Variants in DISP1 observed in about 807,000 individuals in gnomAD.
The protein encoded by DISP1 is protein dispatched homolog 1.
A neutral mutation model predicts 37.3 loss-of-function variants in DISP1; 30 were observed. That is an observed-to-expected ratio of 0.80 (90% CI 0.60 to 1.09). The LOEUF is 1.09. DISP1 is among the 50% of genes least tolerant of loss of function. The pLI, the probability that DISP1 is intolerant of heterozygous loss-of-function variation, is 0.00. For synonymous variants in DISP1, 634 were observed against 690.2 expected (o/e 0.92, Z 1.28); for missense variants, 1,598 against 1,879.5 (o/e 0.85, Z 2.77).
intron 1 of DISP1, among the ~76,000 whole-genome samples, chr1:222,819,570 C>T (rs947051228): frequency 1.3e-4 from 18 of 139,722 alleles, no homozygotes; most frequent in South Asian, 2.2e-4. Context: ...CACAGTGTCT[C>T]GCTGTGTTGC....
intron 2 of DISP1, among the ~76,000 whole-genome samples, chr1:222,935,370 A>T (rs1306135875): frequency 1.3e-5 from 2 of 152,200 alleles, no homozygotes; most frequent in Admixed American, 6.5e-5. Flanking sequence ...ATTCTAAAAT[A>T]CATCATCTGA....
intron 1 of DISP1, among the ~76,000 whole-genome samples, chr1:222,889,608 T>A: frequency 6.6e-6 from 1 of 152,062 alleles, no homozygotes; most frequent in Middle Eastern, 3.4e-3. Context: ...CTACATGAAC[T>A]ATATATGCCT....
rs1215790656 is a variant in DISP1, at chr1:222,961,316, T to C, written c.509+17984T>C. Among the ~76,000 whole-genome samples, 4 of 152,162 alleles carry C rather than the reference T, an allele frequency of 2.6e-5. No homozygotes were observed. In the East Asian group the frequency reaches 7.7e-4, roughly 29 times the overall value. On this transcript the variant is annotated intron_variant, in intron 3 of 8. Transcript: ENST00000675850. The stretch of plus-strand genomic sequence containing the variant: ...CCCAGGATGCAAGGCTGGTTCAACA[T>C]TCACAAATCAATAAACGTAATCCAT...
At chr1:222,875,654 TAAAAAAAA>T (rs1161033639) in intron 1 of DISP1, among the ~76,000 whole-genome samples, 4 of 93,680 alleles carry the variant, frequency 4.3e-5, no homozygotes, top group South Asian at 3.9e-4. Context: ...CTGTCTCTAC[TAAAAAAAA>T]AAAAAAAAAA....
rs770641865 is a variant in DISP1 at position 222,942,955 on chromosome 1, A to T, written c.132A>T (p.Glu44Asp). Reference sequence around the variant, plus strand: ...CAGCCCAGCAGCTCACACCCAAAGAAGCAACAAGAACAAAAGTGAGTCCAA... The same window carrying T: ...CAGCCCAGCAGCTCACACCCAAAGATGCAACAAGAACAAAAGTGAGTCCAA... ...DHAAQQLTPK[E>D]ATRTKVSPNG... The change falls in exon 3 of 9, where the codon GAA (glutamate) becomes GAT (aspartate). Residue 44 changes from glutamate (E) to aspartate (D), a missense_variant. Transcript: ENST00000675850. The T allele has an allele frequency of 5.0e-6, 8 of 1,614,090 alleles. No homozygotes were observed. In the African/African-American group the frequency reaches 9.3e-5, roughly 19 times the overall value.
chr1:222,961,044 G>C (rs1676021537), intron 3 of DISP1, among the ~76,000 whole-genome samples: 1 of 152,142 alleles, frequency 6.6e-6, no homozygotes, highest in Admixed American at 6.5e-5. Flanking sequence ...GAGGTACAAA[G>C]AGGAGCTGGT....
intron 3 of DISP1, among the ~76,000 whole-genome samples, chr1:222,974,888 A>AT (rs1034566437): frequency 1.8e-4 from 27 of 152,100 alleles, no homozygotes; most frequent in African/African-American, 5.3e-4. Context: ...CAAAGTGCGG[A>AT]TTTTTTTTAT....
chr1:222,916,039 G>A (rs1672478123), intron 1 of DISP1, among the ~76,000 whole-genome samples: 1 of 152,136 alleles, frequency 6.6e-6, no homozygotes, highest in African/African-American at 2.4e-5. Context: ...ATAGAAATAT[G>A]AGAATTCACT....
intron 1 of DISP1, among the ~76,000 whole-genome samples, chr1:222,881,464 G>A (rs985976820): frequency 6.6e-6 from 1 of 152,192 alleles, no homozygotes; most frequent in Non-Finnish European, 1.5e-5. Flanking sequence ...CCAAAGTGCT[G>A]GGATTACAGA....
intron 3 of DISP1, among the ~76,000 whole-genome samples, chr1:222,946,668 A>G (rs1488483682): frequency 6.6e-6 from 1 of 152,234 alleles, no homozygotes; most frequent in African/African-American, 2.4e-5. Context: ...GGAGCCAGTA[A>G]AGCAAATAGG....
chr1:222,856,288 T>G (rs1668541569), intron 1 of DISP1, among the ~76,000 whole-genome samples: 1 of 152,224 alleles, frequency 6.6e-6, no homozygotes, highest in Non-Finnish European at 1.5e-5. Flanking sequence ...AAACTAATAG[T>G]TCCAGGCTGT....
At chr1:222,912,280 A>G (rs1031876799) in intron 1 of DISP1, among the ~76,000 whole-genome samples, 2 of 152,230 alleles carry the variant, frequency 1.3e-5, no homozygotes, top group Non-Finnish European at 2.9e-5. Flanking sequence ...AGGTTTGCAT[A>G]GAGTAGCAAT....
At chr1:222,933,652 A>C (rs1224357068) in intron 2 of DISP1, among the ~76,000 whole-genome samples, 1 of 151,994 alleles carries the variant, frequency 6.6e-6, no homozygotes, top group African/African-American at 2.4e-5. Flanking sequence ...TACTAGAATT[A>C]ACACCTTATT....
At chr1:222,833,309 T>C (rs541245574) in intron 1 of DISP1, among the ~76,000 whole-genome samples, 9 of 152,182 alleles carry the variant, frequency 5.9e-5, no homozygotes, top group African/African-American at 2.2e-4. Context: ...AAAGTGTGGG[T>C]ATTATTAAGT....
chr1:222,822,277 G>T (rs1018961179), intron 1 of DISP1, among the ~76,000 whole-genome samples: 1 of 152,184 alleles, frequency 6.6e-6, no homozygotes, highest in African/African-American at 2.4e-5. Flanking sequence ...ATTTGACTCA[G>T]AGTGACATGG....
intron 1 of DISP1, among the ~76,000 whole-genome samples, chr1:222,841,318 A>G (rs1667601037): frequency 6.6e-6 from 1 of 152,098 alleles, no homozygotes; most frequent in Non-Finnish European, 1.5e-5. Flanking sequence ...ACATTTATGC[A>G]TTGTTTACTG....
chr1:222,838,547 T>C (rs1033456012), intron 1 of DISP1, among the ~76,000 whole-genome samples: 1 of 152,100 alleles, frequency 6.6e-6, no homozygotes, highest in Non-Finnish European at 1.5e-5. Flanking sequence ...GGTAGAAGGA[T>C]CATTTGAGGC....
chr1:222,944,866 C>A (rs1196615138), intron 3 of DISP1, among the ~76,000 whole-genome samples: 2 of 152,152 alleles, frequency 1.3e-5, no homozygotes, highest in African/African-American at 4.8e-5. Flanking sequence ...AACAAATTCA[C>A]TTCTGATTAA....
chr1:222,902,270 T>A (rs942539505), intron 1 of DISP1, among the ~76,000 whole-genome samples: 1 of 152,216 alleles, frequency 6.6e-6, no homozygotes, highest in African/African-American at 2.4e-5. Context: ...TTTGGATCTT[T>A]CCTGCTTTCT....
Sources: gnomAD v4.1 joint callset for allele counts (sites outside exome capture counted in the v4.1 genomes callset) on GRCh38, gnomAD v4.1.1 for gene constraint, MANE v1.5 for transcripts, NCBI Gene and HGNC (gene_info 2026-07-23, HGNC 2026-07-21) for gene names.